The following PCNX1 variants were observed in gnomAD, a reference collection of about 807,000 sequenced individuals.
PCNX1 encodes the protein pecanex 1, also known as pecanex-like protein 1.
PCNX1 carries 78 observed loss-of-function variants against 242.2 expected under a neutral mutation model. The observed-to-expected ratio is 0.32, with a 90% CI of 0.27 to 0.39. The LOEUF (loss-of-function observed/expected upper bound fraction) is 0.39. Among genes scored for constraint, PCNX1 ranks in the 10% least tolerant of loss-of-function variants. The pLI, the probability that PCNX1 is intolerant of heterozygous loss-of-function variation, is 1.00. For synonymous variants in PCNX1, 1,024 were observed against 1,032.9 expected (o/e 0.99, Z 0.17); for missense variants, 2,581 against 2,856.5 (o/e 0.90, Z 2.20).
intron 1 of PCNX1, among the ~76,000 whole-genome samples, chr14:70,912,741 A>G (rs61988695): frequency 0.014 from 2,157 of 152,218 alleles, 24 homozygotes; most frequent in Middle Eastern, 0.034. Flanking sequence ...AAAATCCAGA[A>G]TCTTTATTAA....
At chr14:71,002,498 C>G (rs1261573704) in intron 8 of PCNX1, among the ~76,000 whole-genome samples, 1 of 152,190 alleles carries the variant, frequency 6.6e-6, no homozygotes, top group African/African-American at 2.4e-5. Context: ...TCAAAAAATT[C>G]TCTGTGCCTT....
chr14:71,048,159 T>A lies in PCNX1; in HGVS notation c.4338+175T>A, dbSNP rs113486996. Among the ~76,000 whole-genome samples the A allele has an allele frequency of 8.7e-3, 1,324 of 152,306 alleles. 11 individuals are homozygous for A. Among genetic ancestry groups the A allele is most frequent in the African/African-American group, 0.03 (1,249 of 41,566 alleles). ...CCTAAACAAAGATAGTCACTGTGAT[T>A]TATAAAAGATATATTTCTTGCTATA... On this transcript the variant is annotated intron_variant, in intron 22 of 35. Transcript: ENST00000304743.
chr14:70,962,180 G>T, intron 2 of PCNX1, 46 bp from the exon 3 acceptor site: 1 of 1,127,094 alleles, frequency 8.9e-7, no homozygotes. Flanking sequence ...AAGCATTGGA[G>T]TCAGAATAAT....
At chr14:70,984,732 C>G (rs1014865352) in intron 6 of PCNX1, among the ~76,000 whole-genome samples, 3 of 152,124 alleles carry the variant, frequency 2.0e-5, no homozygotes, top group African/African-American at 7.2e-5. Context: ...TTTATACTCA[C>G]AGCTTCCAAT....
chr14:71,039,246 A>C (rs1470877211), intron 19 of PCNX1, among the ~76,000 whole-genome samples: 1 of 152,114 alleles, frequency 6.6e-6, no homozygotes, highest in Non-Finnish European at 1.5e-5. Flanking sequence ...TAAAAAAACA[A>C]AAAAAACCAA....
intron 19 of PCNX1, among the ~76,000 whole-genome samples, chr14:71,038,920 T>TA (rs948336891): frequency 1.3e-5 from 2 of 151,148 alleles, no homozygotes; most frequent in African/African-American, 4.9e-5. Context: ...ATGTCCTTTG[T>TA]AGGGACATGG....
At chr14:70,932,082 G>A (rs184842981) in intron 1 of PCNX1, among the ~76,000 whole-genome samples, 52 of 152,312 alleles carry the variant, frequency 3.4e-4, no homozygotes, top group South Asian at 6.2e-4. Flanking sequence ...AGCCGAGATC[G>A]CGCCATTGCA....
At chr14:71,040,589 G>A (rs1266897099) in intron 19 of PCNX1, among the ~76,000 whole-genome samples, 5 of 152,026 alleles carry the variant, frequency 3.3e-5, no homozygotes, top group Admixed American at 3.3e-4. Flanking sequence ...TTTGATACAG[G>A]CATGCAGTGT....
intron 7 of PCNX1, among the ~76,000 whole-genome samples, chr14:70,991,076 C>T (rs2059149266): frequency 6.6e-6 from 1 of 151,996 alleles, no homozygotes; most frequent in South Asian, 2.1e-4. Flanking sequence ...GTTTTTTGTC[C>T]TCTACTAGGT....
rs142043783 is a variant in PCNX1 at position 71,109,848 on chromosome 14, C to T, written c.6939C>T (p.Ile2313=). The T allele has an allele frequency of 3.0e-5, 49 of 1,612,776 alleles. 1 individual carries two copies. The highest frequency in any genetic ancestry group is 1.6e-4 in the Middle Eastern group (1 of 6,084). ...CSRDPGTRSH[I]DKAVLLVQID... is the part of the protein sequence containing the mutation. Reference sequence around the variant, plus strand: ...GAGATCCAGGTACCAGATCCCACATCGACAAGGCAGTGCTTCTGGTCCAGA... The same window carrying T: ...GAGATCCAGGTACCAGATCCCACATTGACAAGGCAGTGCTTCTGGTCCAGA... Residue 2313 remains isoleucine, a synonymous_variant, in exon 36 of 36, where the codon ATC becomes ATT. Coordinates refer to ENST00000304743, the MANE Select transcript of PCNX1 (RefSeq NM_014982.3).
chr14:71,085,809 C>G, intron 28 of PCNX1: 1 of 364,466 alleles, frequency 2.7e-6, no homozygotes, highest in Non-Finnish European at 5.6e-6. Context: ...TTAGGAGCCA[C>G]ACAGGTGCCT....
At chr14:71,013,547 A>G (rs1023885349) in intron 11 of PCNX1, among the ~76,000 whole-genome samples, 12 of 121,486 alleles carry the variant, frequency 9.9e-5, no homozygotes, top group Non-Finnish European at 1.4e-4. Context: ...ATAAGAGGAA[A>G]CTTCTGTTTC....
chr14:71,017,183 C>T (rs1017397173), intron 11 of PCNX1, among the ~76,000 whole-genome samples: 1 of 152,158 alleles, frequency 6.6e-6, no homozygotes, highest in African/African-American at 2.4e-5. Context: ...TCTGAAAGAA[C>T]TACATGACCT....
At chr14:70,956,046 A>C (rs778576413) in intron 2 of PCNX1, among the ~76,000 whole-genome samples, 1 of 151,996 alleles carries the variant, frequency 6.6e-6, no homozygotes, top group Non-Finnish European at 1.5e-5. Context: ...TTTGGTTGTC[A>C]CACTGAGGGG....
rs1196283253 is a variant in PCNX1, at chr14:71,112,985, C to T, written c.*3050C>T. 1 of 152,162 alleles carries T rather than the reference C, an allele frequency of 6.6e-6. No homozygotes were observed. The highest frequency in any genetic ancestry group is 2.4e-5 in the African/African-American group (1 of 41,432). The allele number at this position is 152,162 out of a possible 1,614,324, so 9.4% of individuals were successfully genotyped here. On this transcript the variant is annotated 3_prime_UTR_variant, in exon 36 of 36. Transcript: ENST00000304743. ...CCTAAGTTTTTGGTTAATCTTCCAA[C>T]TTATACCTTGGTGTGAACTCTCTTT...
Position 71,088,388 on chromosome 14 carries a change from TG to T in PCNX1, c.5399del (p.Gly1800AspfsTer16). Reference protein sequence around the residue: ...LVTLCYGLCVLGRRALGTASH... With the variant: ...LVTLCYGLCVXGRRALGTASH... The stretch of plus-strand genomic sequence containing the variant: ...ACTCTCTGTTATGGACTCTGTGTTC[TG>T]GGACGGAGAGCTTTGGGGACTGCAT... On this transcript the variant is annotated frameshift_variant, in exon 29 of 36. Coordinates refer to ENST00000304743, the MANE Select transcript of PCNX1 (RefSeq NM_014982.3). LOFTEE classifies it high-confidence loss of function. 6.2e-7 allele frequency: 1 copy of T among 1,612,672 alleles called. No homozygotes were observed. Among genetic ancestry groups the T allele is most frequent in the Non-Finnish European group, 8.5e-7 (1 of 1,178,730 alleles).
chr14:71,050,517 A>G (rs971053845), intron 22 of PCNX1, 135 bp from the exon 23 acceptor site: 2 of 688,430 alleles, frequency 2.9e-6, no homozygotes, highest in African/African-American at 3.7e-5. Context: ...TGTTATGTAA[A>G]TGGCAAATAA....
At chr14:71,044,374 A>G (rs1360867038) in intron 19 of PCNX1, 1 of 152,332 alleles carries the variant, frequency 6.6e-6, no homozygotes, top group Non-Finnish European at 1.5e-5. Context: ...GATCTTTCTA[A>G]CAAATGATTG....
chr14:71,068,458 A>T (rs918803782), intron 26 of PCNX1, among the ~76,000 whole-genome samples: 2 of 149,140 alleles, frequency 1.3e-5, no homozygotes, highest in Admixed American at 1.3e-4. Flanking sequence ...ATATATGTGT[A>T]TATACATATA....
Sources: allele counts gnomAD v4.1 joint callset (sites outside exome capture counted in the v4.1 genomes callset), GRCh38; gene constraint gnomAD v4.1.1; transcripts MANE v1.5; gene names NCBI Gene and HGNC (gene_info 2026-07-23, HGNC 2026-07-21).